The following PPP4R3A variants were observed in gnomAD, a reference collection of about 807,000 sequenced individuals.
The protein encoded by PPP4R3A is protein phosphatase 4 regulatory subunit 3A.
A neutral mutation model predicts 91.7 loss-of-function variants in PPP4R3A; 15 were observed. The observed-to-expected ratio is 0.16, with a 90% CI of 0.11 to 0.25. The LOEUF (loss-of-function observed/expected upper bound fraction) is 0.25, where lower values mean the gene tolerates loss of function less well. Among genes scored for constraint, PPP4R3A ranks in the 10% least tolerant of loss-of-function variants. The probability of loss-of-function intolerance (pLI) is 1.00; values close to 1 mark genes in which losing one functional copy is unlikely to be tolerated. For missense variants in PPP4R3A, 623 were observed against 998.4 expected, an observed-to-expected ratio of 0.62 and a Z score of 5.07; for synonymous variants, 377 against 348.7, an observed-to-expected ratio of 1.08 and a Z score of -0.91.
chr14:91,457,857 T>C lies in PPP4R3A; in HGVS notation c.*902A>G, dbSNP rs1299702414. The C allele has an allele frequency of 6.6e-6, 1 of 152,616 alleles. No homozygotes were observed. The highest frequency in any genetic ancestry group is 1.5e-5 in the Non-Finnish European group (1 of 68,016). 9.5% of individuals were successfully genotyped at this position (152,616 alleles called of 1,614,324 possible). A position where few individuals can be genotyped will look rare whatever the true frequency, so the allele number is the denominator to read the frequency against. On this transcript the variant is annotated 3_prime_UTR_variant, in exon 15 of 15. Transcript: ENST00000554943. ...TAATATAAAATATTTAGTCACAAAA[T>C]AGTATTGCTTTTGTATGCACATAGT...
intron 2 of PPP4R3A, 83 bp from the exon 3 acceptor site, chr14:91,485,813 G>T: frequency 1.1e-6 from 1 of 932,262 alleles, no homozygotes; most frequent in Non-Finnish European, 1.6e-6. Context: ...ATAAAACTGT[G>T]CTCATTTTTA....
intron 4 of PPP4R3A, among the ~76,000 whole-genome samples, chr14:91,480,196 TA>T (rs967708813): frequency 1.3e-5 from 2 of 152,150 alleles, no homozygotes; most frequent in African/African-American, 4.8e-5. Context: ...AATAGACACT[TA>T]AAAAATTCCC....
In PPP4R3A at chr14:91,458,622, G is replaced by T; in HGVS notation, c.*137C>A. ...GCTCCATTGAATTGGCACTTGATGA[G>T]CAGAAGTCAAGTGTAAGAGGCTGAT... On this transcript the variant is annotated 3_prime_UTR_variant, in exon 15 of 15. Transcript: ENST00000554943. The T allele has an allele frequency of 8.0e-7, 1 of 1,255,678 alleles. No individual in the cohort carries two copies. The highest frequency in any genetic ancestry group is 1.5e-5 in the African/African-American group (1 of 67,932). The allele number at this position is 1,255,678 out of a possible 1,614,324, so 77.8% of individuals were successfully genotyped here. A position where few individuals can be genotyped will look rare whatever the true frequency, so the allele number is the denominator to read the frequency against.
chr14:91,510,398 CGGAGGCTTCCGACGGAGGCG>C (rs904462811), upstream of PPP4R3A: 4 of 152,682 alleles, frequency 2.6e-5, no homozygotes, highest in Admixed American at 6.5e-5. Context: ...CTTACTGCGG[CGGAGGCTTCCGACGGAGGCG>C]GGAGGCGGGC....
chr14:91,469,649 A>G (rs1040045026), intron 10 of PPP4R3A, among the ~76,000 whole-genome samples: 2 of 152,304 alleles, frequency 1.3e-5, no homozygotes, highest in African/African-American at 4.8e-5. Flanking sequence ...GCTCACCGCG[A>G]TATCTGCCTC....
chr14:91,509,166 T>C (rs1387551229), intron 1 of PPP4R3A, among the ~76,000 whole-genome samples: 3 of 152,178 alleles, frequency 2.0e-5, no homozygotes, highest in African/African-American at 7.2e-5. Flanking sequence ...TTAATCAGTG[T>C]CTTTCTCAAG....
intron 3 of PPP4R3A, among the ~76,000 whole-genome samples, chr14:91,484,619 T>TA (rs1889776878): frequency 6.6e-6 from 1 of 152,176 alleles, no homozygotes; most frequent in African/African-American, 2.4e-5. Flanking sequence ...GAAAGGATTT[T>TA]AAAAAACAAT....
chr14:91,477,111 T>A, intron 4 of PPP4R3A, 125 bp from the exon 5 acceptor site: 15 of 88,694 alleles, frequency 1.7e-4, no homozygotes, highest in Non-Finnish European at 1.9e-4. Context: ...CAATGCTGTC[T>A]TTTTTTTTTT....
chr14:91,478,362 A>T (rs903201766), intron 4 of PPP4R3A, among the ~76,000 whole-genome samples: 2 of 152,226 alleles, frequency 1.3e-5, no homozygotes, highest in Non-Finnish European at 2.9e-5. Flanking sequence ...GGAAGCAGTC[A>T]ATGTTAAGAG....
At chr14:91,490,416 A>G (rs886302262) in intron 2 of PPP4R3A, among the ~76,000 whole-genome samples, 13 of 152,102 alleles carry the variant, frequency 8.5e-5, no homozygotes, top group Non-Finnish European at 1.5e-4. Context: ...CTGCACTATC[A>G]TCTACAACAG....
intron 5 of PPP4R3A, 145 bp downstream of exon 5, chr14:91,476,764 G>T: frequency 1.4e-6 from 1 of 701,446 alleles, no homozygotes; most frequent in Non-Finnish European, 2.3e-6. Flanking sequence ...ATGGGGTTTC[G>T]CCATGTTCGC....
intron 3 of PPP4R3A, among the ~76,000 whole-genome samples, chr14:91,485,372 T>C (rs955343406): frequency 6.6e-6 from 1 of 152,216 alleles, no homozygotes; most frequent in African/African-American, 2.4e-5. Flanking sequence ...TTTGGAGTAC[T>C]AAATTTGAGA....
intron 3 of PPP4R3A, 102 bp from the exon 4 acceptor site, chr14:91,482,295 A>T (rs1012009264): frequency 3.1e-6 from 4 of 1,301,438 alleles, no homozygotes; most frequent in Non-Finnish European, 3.1e-6. Flanking sequence ...AGAAACCTAT[A>T]ATGGTCATTT....
intron 1 of PPP4R3A, among the ~76,000 whole-genome samples, chr14:91,503,989 C>T (rs984847736): frequency 3.3e-5 from 5 of 151,876 alleles, no homozygotes; most frequent in African/African-American, 7.3e-5. Context: ...GCACTTTAGG[C>T]GGCCAAGTGG....
At chr14:91,481,481 A>G (rs1889556210) in intron 4 of PPP4R3A, 95 bp downstream of exon 4, 1 of 1,283,726 alleles carries the variant, frequency 7.8e-7, no homozygotes, top group Non-Finnish European at 1.0e-6. Context: ...AACTTTATAC[A>G]TTAACAAAAT....
intron 14 of PPP4R3A, among the ~76,000 whole-genome samples, chr14:91,459,127 C>T (rs938911247): frequency 9.9e-5 from 15 of 151,920 alleles, no homozygotes; most frequent in African/African-American, 1.9e-4. Context: ...TTTTCCAAGT[C>T]GGAGTCTCGC....
chr14:91,466,283 G>T, intron 10 of PPP4R3A: 1 of 985,762 alleles, frequency 1.0e-6, no homozygotes, highest in Non-Finnish European at 1.2e-6. Flanking sequence ...CATCGTCTTC[G>T]GTTGGCAAGA....
chr14:91,479,913 G>T (rs943720472), intron 4 of PPP4R3A, among the ~76,000 whole-genome samples: 14 of 152,168 alleles, frequency 9.2e-5, no homozygotes, highest in African/African-American at 3.1e-4. Context: ...GGGATTACAG[G>T]TATAAGCCAC....
chr14:91,499,086 T>C (rs1890776640), intron 1 of PPP4R3A, among the ~76,000 whole-genome samples: 1 of 151,572 alleles, frequency 6.6e-6, no homozygotes, highest in Admixed American at 6.6e-5. Flanking sequence ...CACGCCCAGC[T>C]GAGACCTCTA....
Sources: gnomAD v4.1 joint callset for allele counts (sites outside exome capture counted in the v4.1 genomes callset) on GRCh38, gnomAD v4.1.1 for gene constraint, MANE v1.5 for transcripts, NCBI Gene and HGNC (gene_info 2026-07-23, HGNC 2026-07-21) for gene names.